Variants in OSCAR observed in about 807,000 individuals in gnomAD.
OSCAR encodes the protein osteoclast-associated immunoglobulin-like receptor.
OSCAR carries 25 observed loss-of-function variants against 27.3 expected under a neutral mutation model. That is an observed-to-expected ratio of 0.92 (90% confidence interval 0.67 to 1.28). The LOEUF (loss-of-function observed/expected upper bound fraction) is 1.28. Ranked by LOEUF, OSCAR falls within the 50% of genes most tolerant of loss-of-function variation. The pLI is 0.00. For missense variants in OSCAR, 354 were observed against 355.1 expected (o/e 1.00, Z 0.03); for synonymous variants, 158 against 165.7 (o/e 0.95, Z 0.36).
intron 3 of OSCAR, 120 bp downstream of exon 3, chr19:54,096,742 T>C: frequency 4.4e-6 from 5 of 1,138,094 alleles, no homozygotes; most frequent in Non-Finnish European, 4.9e-6. Flanking sequence ...GTATCTGTCT[T>C]TTCTTGTGTC....
chr19:54,095,192 G>C lies in OSCAR; in HGVS notation c.*29C>G. On this transcript the variant is annotated 3_prime_UTR_variant, in exon 5 of 5. Coordinates refer to ENST00000358375, the MANE Select transcript of OSCAR (RefSeq NM_133169.6). ...CCCAGCTTCTCCGCCACTCAGGTTGGAAGTCTCGGGCTGCAGTGCTCCTGG... is the reference window on the plus strand; with the variant it reads ...CCCAGCTTCTCCGCCACTCAGGTTGCAAGTCTCGGGCTGCAGTGCTCCTGG... The C allele has an allele frequency of 6.2e-7, 1 of 1,603,280 alleles. No individual in the cohort carries two copies. The highest frequency in any genetic ancestry group is 8.5e-7 in the Non-Finnish European group (1 of 1,174,470).
chr19:54,095,867 C>T lies in OSCAR; in HGVS notation c.655+5G>A, dbSNP rs2146280043. 6.4e-7 allele frequency: 1 copy of T among 1,554,528 alleles called. No individual in the cohort carries two copies. ...AGGAGGCGGGCCGGGCCTCAGGGCC[C>T]TCACCTTCCCAGCTGATGACCAGCA... is the stretch of plus-strand genomic sequence containing the variant. On this transcript the variant is annotated splice_donor_5th_base_variant and intron_variant, in intron 4 of 4. Transcript: ENST00000358375.
chr19:54,098,355 A>G (rs1168917077), intron 2 of OSCAR, among the ~76,000 whole-genome samples: 1 of 152,194 alleles, frequency 6.6e-6, no homozygotes, highest in Admixed American at 6.5e-5. Flanking sequence ...ACCTGAGGTC[A>G]GGAGTTCAAG....
chr19:54,100,755 C>CA lies in OSCAR; in HGVS notation c.37dup (p.Trp13LeufsTer20). On this transcript the variant is annotated frameshift_variant and splice_region_variant. Coordinates refer to ENST00000358375, the MANE Select transcript of OSCAR (RefSeq NM_133169.6). LOFTEE classifies it high-confidence loss of function. The stretch of plus-strand genomic sequence containing the variant: ...CCAGGGAGAAGAAAGGGGTGACTCA[C>CA]AGAGGGTCAGCAGCTGGAGGATCAG... The CA allele has an allele frequency of 6.4e-7, 1 of 1,552,070 alleles. No individual in the cohort carries two copies.
intron 3 of OSCAR, among the ~76,000 whole-genome samples, chr19:54,096,505 C>T (rs2072723262): frequency 8.5e-6 from 1 of 117,796 alleles, no homozygotes. Flanking sequence ...TCTCTCTCTG[C>T]CTCCCTCTCT....
rs142964852 is a variant in OSCAR, at chr19:54,096,049, C to G, written c.478G>C (p.Val160Leu). The part of the protein sequence containing the change: ...CAGRLRNMSF[V>L]LYREGVAAPL... The stretch of plus-strand genomic sequence containing the variant: ...GCCGCCACGCCCTCGCGGTACAGCA[C>G]GAAGCTCATGTTCCGCAGGCGGCCC... The change falls in exon 4 of 5, where the codon GTG becomes CTG. Residue 160 changes from valine to leucine, a missense_variant. Physicochemically the swap from Val to Leu is conservative, Grantham distance 32. Transcript: ENST00000358375. 7.5e-3 allele frequency: 11,626 copies of G among 1,555,102 alleles called. 55 individuals carry two copies. Among genetic ancestry groups the G allele is most frequent in the Non-Finnish European group, 9.1e-3 (10,468 of 1,154,642 alleles).
chr19:54,095,329 C>G lies in OSCAR; in HGVS notation c.684G>C (p.Gly228=). Residue 228 remains glycine (G), a synonymous_variant, in exon 5 of 5, where the codon GGG becomes GGC. Transcript: ENST00000358375. Reference sequence around the variant, plus strand: ...CGGCCAGCCCCAGGCGGACTAGGTTCCCCCGGGTGTAGTCGGAGGAGCCAG... The same window carrying G: ...CGGCCAGCCCCAGGCGGACTAGGTTGCCCCGGGTGTAGTCGGAGGAGCCAG... The part of the protein sequence containing the change: ...EDSGSSDYTR[G]NLVRLGLAGL... 6.4e-7 allele frequency: 1 copy of G among 1,574,142 alleles called. No individual in the cohort carries two copies. The highest frequency in any genetic ancestry group is 1.2e-5 in the South Asian group (1 of 86,080).
chr19:54,099,263 G>A lies in OSCAR; in HGVS notation c.70+485C>T, dbSNP rs192314838. 1.9e-4 allele frequency among the ~76,000 whole-genome samples: 23 copies of A among 119,772 alleles called. No homozygotes were observed. In the East Asian group the frequency reaches 2.9e-3, roughly 15 times the overall value. The allele number at this position is 119,772 out of a possible 152,430, so 78.6% of individuals were successfully genotyped here. On this transcript the variant is annotated intron_variant, in intron 2 of 4. Coordinates refer to ENST00000358375, the MANE Select transcript of OSCAR (RefSeq NM_133169.6). ...TTTTTTTTTTTTTTTTAGTAGAGAC[G>A]GGGTTTCACCACATTAGCCAGGATG...
chr19:54,096,932 G>A lies in OSCAR; in HGVS notation c.303C>T (p.Cys101=). The stretch of plus-strand genomic sequence containing the variant: ...CCGGCCCCCAGTCTGGCCTTCGGTA[G>A]CAGCAGCGGTAACTTCCCCCTTGGG... The part of the protein sequence containing the change: ...TPAQGGSYRC[C]YRRPDWGPGV... Residue 101 remains cysteine (C), a synonymous_variant, in exon 3 of 5, where the codon TGC becomes TGT. Transcript: ENST00000358375. The A allele has an allele frequency of 6.2e-7, 1 of 1,614,166 alleles. No homozygotes were observed. Among genetic ancestry groups the A allele is most frequent in the Non-Finnish European group, 8.5e-7 (1 of 1,180,018 alleles).
In OSCAR at chr19:54,097,119, G is replaced by A. The variant is rs368658849; in HGVS notation, c.116C>T (p.Pro39Leu). ...YHPKPWLGAQ[P>L]ATVVTPGVNV... ...GACCCCAGGGGTCACAACTGTAGCC[G>A]GCTGAGCTCCCAGCCATGGCTTAGG... The change falls in exon 3 of 5, where the codon CCG becomes CTG. Residue 39 changes from proline to leucine, a missense_variant. Coordinates refer to ENST00000358375, the MANE Select transcript of OSCAR (RefSeq NM_133169.6). 23 of 1,614,188 alleles carry A rather than the reference G, an allele frequency of 1.4e-5. No individual in the cohort carries two copies. Among genetic ancestry groups the A allele is most frequent in the South Asian group, 5.5e-5 (5 of 91,080 alleles).
At chr19:54,099,658 C>A in intron 2 of OSCAR, 90 bp downstream of exon 2, 1 of 1,613,658 alleles carries the variant, frequency 6.2e-7, no homozygotes, top group Non-Finnish European at 8.5e-7. Flanking sequence ...ATAAGGATAT[C>A]TGGGATGGGA....
chr19:54,095,437 C>T, intron 4 of OSCAR, 80 bp from the exon 5 acceptor site: 1 of 1,496,064 alleles, frequency 6.7e-7, no homozygotes, highest in Non-Finnish European at 8.9e-7. Context: ...TTTCCAGCCC[C>T]TGGGGTGGAC....
rs758655344 is a variant in OSCAR, at chr19:54,099,744, T to TCACCAGAC, written c.66_70+3dup. The TCACCAGAC allele has an allele frequency of 5.0e-6, 8 of 1,613,350 alleles. No homozygotes were observed. The East Asian group carries it at 1.8e-4, about 36-fold the overall frequency. ...AAAGGAGAGTGGATGGGGTGGCTAC[T>TCACCAGAC]CACCAGACGGAGTGATGTCTGTGTG... On this transcript the variant is annotated splice_donor_region_variant and intron_variant, in intron 2 of 4. Coordinates refer to ENST00000358375, the MANE Select transcript of OSCAR (RefSeq NM_133169.6).
At chr19:54,098,655 G>A (rs1415083055) in intron 2 of OSCAR, among the ~76,000 whole-genome samples, 1 of 151,822 alleles carries the variant, frequency 6.6e-6, no homozygotes, top group African/African-American at 2.4e-5. Flanking sequence ...CCGTACTCCA[G>A]CCCGGGTGAC....
chr19:54,094,723 G>A lies in OSCAR; in HGVS notation c.*498C>T, dbSNP rs587701596. 6.5e-6 allele frequency: 1 copy of A among 152,744 alleles called. No homozygotes were observed. Among genetic ancestry groups the A allele is most frequent in the African/African-American group, 2.4e-5 (1 of 41,524 alleles). 9.5% of individuals were successfully genotyped at this position (152,744 alleles called of 1,614,324 possible). On this transcript the variant is annotated 3_prime_UTR_variant, in exon 5 of 5. Transcript: ENST00000358375. ...AAGAGAACAAAGCTCCCACAACGTG[G>A]AAGCAGACTCTGGTGGGGTGCCGCG...
At chr19:54,097,258 T>G in intron 2 of OSCAR, 94 bp from the exon 3 acceptor site, 1 of 1,243,516 alleles carries the variant, frequency 8.0e-7, no homozygotes, top group Non-Finnish European at 1.1e-6. Context: ...CCTTGGACAA[T>G]TACTGCCCCT....
rs1212602237 is a variant in OSCAR, at chr19:54,095,051, TG to T, written c.*169del. 8.7e-7 allele frequency: 1 copy of T among 1,151,538 alleles called. No homozygotes were observed. Among genetic ancestry groups the T allele is most frequent in the Non-Finnish European group, 1.2e-6 (1 of 862,194 alleles). The allele number at this position is 1,151,538 out of a possible 1,614,324, so 71.3% of individuals were successfully genotyped here. A position where few individuals can be genotyped will look rare whatever the true frequency, so the allele number is the denominator to read the frequency against. ...TCGCGTCTTCCTTTCAGCTACTCCT[TG>T]GGAAAGGCCTGGAAAGAAGCTACAG... is the stretch of plus-strand genomic sequence containing the variant. On this transcript the variant is annotated 3_prime_UTR_variant, in exon 5 of 5. Transcript: ENST00000358375.
intron 2 of OSCAR, among the ~76,000 whole-genome samples, chr19:54,099,059 T>TTTG (rs1342607485): frequency 1.0e-4 from 15 of 149,366 alleles, no homozygotes; most frequent in African/African-American, 2.5e-4. Flanking sequence ...AAAGAGTTTT[T>TTTG]TTTGTTTGTT....
chr19:54,097,760 ATT>A (rs756183989), intron 2 of OSCAR, among the ~76,000 whole-genome samples: 131 of 143,828 alleles, frequency 9.1e-4, no homozygotes, highest in Non-Finnish European at 9.8e-4. Flanking sequence ...CACCAGGCTA[ATT>A]TTTTTTTTTT....
Sources: allele counts gnomAD v4.1 joint callset (sites outside exome capture counted in the v4.1 genomes callset), GRCh38; gene constraint gnomAD v4.1.1; transcripts MANE v1.5; gene names NCBI Gene and HGNC (gene_info 2026-07-23, HGNC 2026-07-21).